The following THSD4 variants were observed in gnomAD, a reference collection of about 807,000 sequenced individuals.
The protein encoded by THSD4 is thrombospondin type-1 domain-containing protein 4.
In THSD4, 69 loss-of-function variants were observed where a neutral mutation model predicts 119.0. The observed-to-expected ratio is 0.58, with a 90% CI of 0.48 to 0.71. THSD4 has a LOEUF of 0.71. THSD4 is among the 30% of genes least tolerant of loss of function. The probability of loss-of-function intolerance (pLI) is 0.00; values close to 1 mark genes in which losing one functional copy is unlikely to be tolerated. For synonymous variants in THSD4, 524 were observed against 540.4 expected (o/e 0.97, Z 0.42); for missense variants, 1,393 against 1,391.1 (o/e 1.00, Z -0.02).
At chr15:71,181,537 A>G (rs2043527292) in intron 3 of THSD4, among the ~76,000 whole-genome samples, 1 of 152,048 alleles carries the variant, frequency 6.6e-6, no homozygotes, top group Non-Finnish European at 1.5e-5. Context: ...CAAATCTCTG[A>G]CTTCTTTCTG....
At chr15:71,275,667 T>C (rs565551915) in intron 6 of THSD4, among the ~76,000 whole-genome samples, 65 of 152,336 alleles carry the variant, frequency 4.3e-4, no homozygotes, top group African/African-American at 1.4e-3. Context: ...TCTTGAATTG[T>C]AGTTCCCATA....
chr15:71,745,163 A>C lies in THSD4; in HGVS notation c.1964A>C (p.Glu655Ala). Residue 655 changes from glutamate to alanine, a missense_variant, in exon 12 of 18, where the codon GAG (glutamate) becomes GCG (alanine). Coordinates refer to ENST00000261862, the MANE Select transcript of THSD4 (RefSeq NM_024817.3). Reference protein sequence around the residue: ...VHRSTHEEAPESYCDSSMKPT... With the variant: ...VHRSTHEEAPASYCDSSMKPT... ...AGAAGCACTCATGAAGAGGCTCCTG[A>C]GAGTTACTGTGACTCCAGCATGAAG... 1.2e-6 allele frequency: 2 copies of C among 1,612,816 alleles called. No homozygotes were observed. The highest frequency in any genetic ancestry group is 1.7e-6 in the Non-Finnish European group (2 of 1,179,994).
chr15:71,464,472 T>C lies in THSD4; in HGVS notation c.1152+52649T>C, dbSNP rs115735429. On this transcript the variant is annotated intron_variant, in intron 7 of 17. Coordinates refer to ENST00000261862, the MANE Select transcript of THSD4 (RefSeq NM_024817.3). Reference sequence around the variant, plus strand: ...CTTGGTGATGCCAGTGAAAAGATGCTCACCATCAAGGGTCACAGTTCAAGG... The same window carrying C: ...CTTGGTGATGCCAGTGAAAAGATGCCCACCATCAAGGGTCACAGTTCAAGG... Among the ~76,000 whole-genome samples, 888 of 152,308 alleles carry C rather than the reference T, an allele frequency of 5.8e-3. 8 individuals are homozygous for C. The highest frequency in any genetic ancestry group is 0.02 in the African/African-American group (851 of 41,560).
At chr15:71,379,373 T>C (rs1475323605) in intron 6 of THSD4, among the ~76,000 whole-genome samples, 2 of 151,392 alleles carry the variant, frequency 1.3e-5, no homozygotes, top group Non-Finnish European at 2.9e-5. Context: ...CCTCCATTCC[T>C]AAGAGGACAG....
At position 71,767,291 on chromosome 15, in the gene THSD4, C is replaced by T. The variant is rs1401919233; in HGVS notation, c.2769+2092C>T. 3.9e-5 allele frequency: 6 copies of T among 151,936 alleles called. No individual in the cohort carries two copies. The East Asian group carries it at 1.2e-3, about 29-fold the overall frequency. The allele number at this position is 151,936 out of a possible 1,614,324, so 9.4% of individuals were successfully genotyped here. A position where few individuals can be genotyped will look rare whatever the true frequency, so the allele number is the denominator to read the frequency against. ...AAAATTAAGTTTTAAAAAAGCAATC[C>T]CCCAGAACTGAAAATACAATGAAAC... On this transcript the variant is annotated intron_variant, in intron 16 of 17. Coordinates refer to ENST00000261862, the MANE Select transcript of THSD4 (RefSeq NM_024817.3).
At chr15:71,676,683 T>C (rs1033670728) in intron 8 of THSD4, among the ~76,000 whole-genome samples, 1 of 152,222 alleles carries the variant, frequency 6.6e-6, no homozygotes, top group Admixed American at 6.5e-5. Flanking sequence ...CCTCATGCAC[T>C]GACCTATTCT....
intron 7 of THSD4, among the ~76,000 whole-genome samples, chr15:71,598,120 T>C (rs575617369): frequency 4.4e-4 from 67 of 152,210 alleles, no homozygotes; most frequent in Admixed American, 3.4e-3. Flanking sequence ...CCAGGCTATC[T>C]TGGTGGGCAG....
intron 14 of THSD4, among the ~76,000 whole-genome samples, chr15:71,751,058 G>A (rs894963302): frequency 6.6e-6 from 1 of 152,206 alleles, no homozygotes; most frequent in African/African-American, 2.4e-5. Flanking sequence ...TCCTTTTACA[G>A]TTAACCAAAG....
At chr15:71,228,421 G>A (rs2044035363) in intron 4 of THSD4, among the ~76,000 whole-genome samples, 1 of 152,054 alleles carries the variant, frequency 6.6e-6, no homozygotes, top group South Asian at 2.1e-4. Flanking sequence ...TAGTGATGCT[G>A]ATTTTAAATT....
intron 6 of THSD4, among the ~76,000 whole-genome samples, chr15:71,394,669 C>G (rs2140474450): frequency 6.6e-6 from 1 of 152,320 alleles, no homozygotes; most frequent in Admixed American, 6.5e-5. Context: ...ACAGAGCTAA[C>G]TCCTACTCAT....
chr15:71,615,260 A>G (rs1223279488), intron 7 of THSD4, among the ~76,000 whole-genome samples: 1 of 152,202 alleles, frequency 6.6e-6, no homozygotes, highest in South Asian at 2.1e-4. Context: ...TATTTTTAGA[A>G]AAGATAAACA....
chr15:71,708,977 G>C (rs548159783), intron 8 of THSD4, among the ~76,000 whole-genome samples: 59 of 152,342 alleles, frequency 3.9e-4, no homozygotes, highest in African/African-American at 1.4e-3. Context: ...TTTCCCTGCT[G>C]TGAGGTCCCG....
intron 3 of THSD4, chr15:71,186,313 G>A (rs2043602593): frequency 6.6e-6 from 1 of 152,206 alleles, no homozygotes; most frequent in Non-Finnish European, 1.5e-5. Context: ...TGGGAGCCAG[G>A]GCAGCTGAAC....
intron 7 of THSD4, among the ~76,000 whole-genome samples, chr15:71,436,504 G>T (rs1394246416): frequency 6.6e-6 from 1 of 152,142 alleles, no homozygotes; most frequent in African/African-American, 2.4e-5. Context: ...TGACTGATAA[G>T]AATTTCTCCC....
intron 7 of THSD4, among the ~76,000 whole-genome samples, chr15:71,466,659 C>T (rs2047504539): frequency 1.3e-5 from 2 of 152,216 alleles, no homozygotes; most frequent in Non-Finnish European, 2.9e-5. Flanking sequence ...CAGATTGTGG[C>T]AGTGGCTTGG....
At chr15:71,630,048 G>A (rs2050593121) in intron 7 of THSD4, among the ~76,000 whole-genome samples, 1 of 152,140 alleles carries the variant, frequency 6.6e-6, no homozygotes, top group Admixed American at 6.5e-5. Flanking sequence ...CACTTTCCAA[G>A]CATCAAACTT....
chr15:71,777,615 C>T lies in THSD4; in HGVS notation c.*241C>T. 2 of 544,760 alleles carry T rather than the reference C, an allele frequency of 3.7e-6. No individual in the cohort carries two copies. Among genetic ancestry groups the T allele is most frequent in the Non-Finnish European group, 3.3e-6 (1 of 305,144 alleles). 33.7% of individuals were successfully genotyped at this position (544,760 alleles called of 1,614,324 possible). A position where few individuals can be genotyped will look rare whatever the true frequency, so the allele number is the denominator to read the frequency against. On this transcript the variant is annotated 3_prime_UTR_variant, in exon 18 of 18. Coordinates refer to ENST00000261862, the MANE Select transcript of THSD4 (RefSeq NM_024817.3). The stretch of plus-strand genomic sequence containing the variant: ...ATGTACTGATGATCCCCTCCTTGGA[C>T]CTGGCATCTGCTAATGGTGCCCTTT...
intron 7 of THSD4, among the ~76,000 whole-genome samples, chr15:71,599,325 G>A (rs937239558): frequency 1.1e-4 from 17 of 152,184 alleles, no homozygotes; most frequent in African/African-American, 3.9e-4. Context: ...CTTGTCCCCT[G>A]CGGAGAGTCC....
chr15:71,138,686 C>G (rs2040573039), intron 1 of THSD4, among the ~76,000 whole-genome samples: 1 of 152,130 alleles, frequency 6.6e-6, no homozygotes, highest in Non-Finnish European at 1.5e-5. Context: ...ACTCACCCCT[C>G]AAGCCACCAC....
Sources: allele counts gnomAD v4.1 joint callset (sites outside exome capture counted in the v4.1 genomes callset), GRCh38; gene constraint gnomAD v4.1.1; transcripts MANE v1.5; gene names NCBI Gene and HGNC (gene_info 2026-07-23, HGNC 2026-07-21).